TTC7A: variants seen among roughly 807,000 people sequenced by gnomAD.
TTC7A encodes tetratricopeptide repeat domain 7A, also known as tetratricopeptide repeat protein 7A.
In TTC7A, 110 loss-of-function variants were observed where a neutral mutation model predicts 103.7. The observed-to-expected ratio is 1.06, with a 90% CI of 0.91 to 1.24. TTC7A has a LOEUF of 1.24. Ranked by LOEUF, TTC7A falls within the 50% of genes most tolerant of loss-of-function variation. TTC7A has a pLI of 0.00. For missense variants in TTC7A, 1,340 were observed against 1,116.3 expected (o/e 1.20, Z -2.86); for synonymous variants, 521 against 467.9 (o/e 1.11, Z -1.47).
At chr2:47,056,198 C>T (rs985807510) in intron 18 of TTC7A, among the ~76,000 whole-genome samples, 5 of 152,330 alleles carry the variant, frequency 3.3e-5, no homozygotes, top group Middle Eastern at 3.4e-3. Context: ...CTTCACTCTC[C>T]TTCCTCCCTT....
rs557632963 is a variant in TTC7A, at chr2:47,052,431, C to G, written c.2152+551C>G. On this transcript the variant is annotated intron_variant, in intron 18 of 19. Transcript: ENST00000319190. Reference sequence around the variant, plus strand: ...CAGCCCACAGCTGGCTAGCCCTGATCTGAAACGAGCCAATGTGTGACACAG... The same window carrying G: ...CAGCCCACAGCTGGCTAGCCCTGATGTGAAACGAGCCAATGTGTGACACAG... 2.1e-4 allele frequency among the ~76,000 whole-genome samples: 32 copies of G among 152,316 alleles called. No individual in the cohort carries two copies. In the South Asian group the frequency reaches 6.2e-3, roughly 30 times the overall value.
At chr2:47,050,105 TGAG>T (rs1330583854) in intron 17 of TTC7A, 59 bp downstream of exon 17, 10 of 1,411,938 alleles carry the variant, frequency 7.1e-6, no homozygotes, top group Non-Finnish European at 1.0e-5. Context: ...ACTCCCAGCT[TGAG>T]AGCACCAACA....
At chr2:46,997,188 A>G (rs1419814275) in intron 8 of TTC7A, among the ~76,000 whole-genome samples, 1 of 152,092 alleles carries the variant, frequency 6.6e-6, no homozygotes, top group Non-Finnish European at 1.5e-5. Flanking sequence ...CATGTTGACC[A>G]GGCCAGTCAT....
chr2:47,046,945 C>T (rs1024482750), intron 16 of TTC7A: 2 of 302,480 alleles, frequency 6.6e-6, no homozygotes, highest in Non-Finnish European at 1.2e-5. Flanking sequence ...GAGGTGTACT[C>T]CTGAAGGGCC....
rs192909323 is a variant in TTC7A, at chr2:46,963,539, T to A, written c.517+6532T>A. 1.2e-4 allele frequency among the ~76,000 whole-genome samples: 18 copies of A among 152,368 alleles called. No individual in the cohort carries two copies. The East Asian group carries it at 2.7e-3, about 23-fold the overall frequency. On this transcript the variant is annotated intron_variant, in intron 3 of 19. Coordinates refer to ENST00000319190, the MANE Select transcript of TTC7A (RefSeq NM_020458.4). ...CACCTGACCTCAGCCCAGCCAATCC[T>A]GTATTTCAGGAATTTTCCCCTCGGA...
intron 2 of TTC7A, among the ~76,000 whole-genome samples, chr2:46,931,436 G>T (rs1005153528): frequency 2.0e-5 from 3 of 152,196 alleles, no homozygotes; most frequent in Non-Finnish European, 4.4e-5. Flanking sequence ...ATTAAATTGA[G>T]GACCTTGAGA....
chr2:46,937,573 A>G (rs1670042929), upstream of TTC7A, among the ~76,000 whole-genome samples: 1 of 152,194 alleles, frequency 6.6e-6, no homozygotes, highest in Admixed American at 6.5e-5. The surrounding 1 kb of genome is among the most constrained non-coding windows in gnomAD (Gnocchi z 4.0). Context: ...ATTGGATGAA[A>G]AAGTCAGAAT....
intron 15 of TTC7A, among the ~76,000 whole-genome samples, chr2:47,032,632 C>T (rs1490242023): frequency 1.3e-5 from 2 of 151,862 alleles, no homozygotes. Flanking sequence ...GCCCCACCCC[C>T]AGTAGTGCCT....
intron 15 of TTC7A, among the ~76,000 whole-genome samples, chr2:47,033,533 A>C (rs948803813): frequency 1.3e-5 from 2 of 152,192 alleles, no homozygotes; most frequent in Non-Finnish European, 2.9e-5. Context: ...ACCCCTGTCC[A>C]TGTGAGCTGG....
At chr2:47,015,944 A>C (rs1400872585) in intron 11 of TTC7A, among the ~76,000 whole-genome samples, 1 of 152,228 alleles carries the variant, frequency 6.6e-6, no homozygotes, top group African/African-American at 2.4e-5. Flanking sequence ...GCTCGTGGGA[A>C]GGAACTAAGG....
chr2:46,950,371 G>A lies in TTC7A; in HGVS notation c.193G>A (p.Gly65Arg), dbSNP rs1204342667. 2 of 1,613,882 alleles carry A rather than the reference G, an allele frequency of 1.2e-6. No homozygotes were observed. The highest frequency in any genetic ancestry group is 2.7e-5 in the African/African-American group (2 of 74,894). Reference protein sequence around the residue: ...AFTFPDTDDFGKLLLAEALLE... With the variant: ...AFTFPDTDDFRKLLLAEALLE... ...CCTACTTTGCTTTTCAGATGACTTT[G>A]GGAAATTGCTGCTGGCTGAGGCCCT... Residue 65 changes from glycine to arginine, a missense_variant, in exon 2 of 20, where the codon GGG (glycine) becomes AGG (arginine). By Grantham distance (125) the Gly-to-Arg change is moderately radical (BLOSUM62 -2). Coordinates refer to ENST00000319190, the MANE Select transcript of TTC7A (RefSeq NM_020458.4).
At chr2:47,048,252 T>G (rs1390426215) in intron 16 of TTC7A, among the ~76,000 whole-genome samples, 1 of 152,242 alleles carries the variant, frequency 6.6e-6, no homozygotes, top group Non-Finnish European at 1.5e-5. Flanking sequence ...TCTCCCCATC[T>G]GGGCTGTAAG....
chr2:47,063,617 G>A (rs957519172), intron 19 of TTC7A, among the ~76,000 whole-genome samples: 9 of 152,258 alleles, frequency 5.9e-5, no homozygotes, highest in African/African-American at 2.2e-4. Context: ...AGAGAGGAAT[G>A]TGGAAGGTAT....
chr2:47,046,188 C>T, intron 15 of TTC7A, 127 bp from the exon 16 acceptor site: 1 of 725,914 alleles, frequency 1.4e-6, no homozygotes. Flanking sequence ...AGGCTGCTGC[C>T]CTCATGGCAC....
At chr2:47,049,719 C>G (rs1188021054) in intron 16 of TTC7A, among the ~76,000 whole-genome samples, 1 of 152,038 alleles carries the variant, frequency 6.6e-6, no homozygotes, top group Non-Finnish European at 1.5e-5. Context: ...GGAGAGTTTC[C>G]AGGTCTCAGC....
At chr2:47,046,577 T>G in intron 16 of TTC7A, 146 bp downstream of exon 16, 1 of 659,650 alleles carries the variant, frequency 1.5e-6, no homozygotes, top group Non-Finnish European at 2.7e-6. Context: ...CACAGAGCTT[T>G]CACATCCATA....
chr2:47,070,713 A>G (rs913891999), intron 19 of TTC7A, among the ~76,000 whole-genome samples: 1 of 146,824 alleles, frequency 6.8e-6, no homozygotes, highest in African/African-American at 2.4e-5. Flanking sequence ...AGGAAGGGAG[A>G]GAAGGAGGGT....
intron 19 of TTC7A, among the ~76,000 whole-genome samples, chr2:47,072,411 G>A (rs1324021143): frequency 6.6e-6 from 1 of 152,204 alleles, no homozygotes; most frequent in East Asian, 1.9e-4. Context: ...GCCTTTCCTA[G>A]GGCTTCCTGA....
chr2:46,965,518 C>G (rs1445822669), intron 3 of TTC7A, among the ~76,000 whole-genome samples: 1 of 151,058 alleles, frequency 6.6e-6, no homozygotes, highest in African/African-American at 2.4e-5. Flanking sequence ...GACACTGATG[C>G]TTTTAGCTGA....
Sources: gnomAD v4.1 joint callset for allele counts (sites outside exome capture counted in the v4.1 genomes callset) on GRCh38, gnomAD v4.1.1 for gene constraint, Gnocchi (gnomAD v3.1) non-coding constraint, MANE v1.5 for transcripts, NCBI Gene and HGNC (gene_info 2026-07-23, HGNC 2026-07-21) for gene names.